The following VAV3 variants were observed in gnomAD, a reference collection of about 807,000 sequenced individuals.
The protein encoded by VAV3 is guanine nucleotide exchange factor VAV3.
Under a neutral mutation model 131.2 loss-of-function variants are expected in VAV3, and 94 were observed. The observed-to-expected ratio is 0.72, with a 90% CI of 0.61 to 0.85. VAV3 has a LOEUF of 0.85. VAV3 is among the 40% of genes least tolerant of loss of function. VAV3 has a pLI of 0.00. For missense variants in VAV3, 939 were observed against 1,002.7 expected (o/e 0.94, Z 0.86); for synonymous variants, 349 against 342.0 (o/e 1.02, Z -0.22).
chr1:107,881,973 A>G (rs1217385798), intron 1 of VAV3, among the ~76,000 whole-genome samples: 4 of 152,148 alleles, frequency 2.6e-5, no homozygotes, highest in African/African-American at 9.7e-5. Context: ...CTTTTTCTCT[A>G]TGTGTAAAAG....
chr1:107,856,396 T>C lies in VAV3; in HGVS notation c.321+18505A>G, dbSNP rs1669470095. 2.0e-5 allele frequency among the ~76,000 whole-genome samples: 3 copies of C among 152,236 alleles called. No homozygotes were observed. The South Asian group carries it at 6.2e-4, about 31-fold the overall frequency. On this transcript the variant is annotated intron_variant, in intron 2 of 26. Transcript: ENST00000370056. ...TGTAAATTTTTACATAGCAATTTTC[T>C]GATTTGAGCCAAAGTCAAACCAGAA...
At chr1:107,761,453 GC>G (rs1394011404) in intron 9 of VAV3, among the ~76,000 whole-genome samples, 6 of 151,622 alleles carry the variant, frequency 4.0e-5, no homozygotes, top group Admixed American at 3.9e-4. Flanking sequence ...CAAAATCATG[GC>G]CCCCCAGGGT....
chr1:107,921,955 T>C (rs948079925), intron 1 of VAV3, among the ~76,000 whole-genome samples: 1 of 152,220 alleles, frequency 6.6e-6, no homozygotes, highest in Admixed American at 6.5e-5. Flanking sequence ...TCTTCTCAGC[T>C]TTTTTGTGTA....
chr1:107,839,428 A>G (rs562859708), intron 2 of VAV3, among the ~76,000 whole-genome samples: 3 of 152,174 alleles, frequency 2.0e-5, no homozygotes, highest in Non-Finnish European at 4.4e-5. Flanking sequence ...CACTCAAGTA[A>G]CTTATGAGTC....
intron 10 of VAV3, among the ~76,000 whole-genome samples, chr1:107,759,663 A>C (rs1179738797): frequency 6.6e-6 from 1 of 152,166 alleles, no homozygotes; most frequent in Non-Finnish European, 1.5e-5. Flanking sequence ...AATATAAAAC[A>C]ACCCAAGGGA....
chr1:107,716,949 T>C (rs1268503906), intron 15 of VAV3, among the ~76,000 whole-genome samples: 5 of 152,216 alleles, frequency 3.3e-5, no homozygotes, highest in Admixed American at 3.3e-4. Context: ...ATTCAACATC[T>C]TCCTAGTTTA....
In VAV3 at chr1:107,755,420, T is replaced by C; in HGVS notation, c.1173+7A>G. On this transcript the variant is annotated splice_region_variant and intron_variant, in intron 12 of 26. Coordinates refer to ENST00000370056, the MANE Select transcript of VAV3 (RefSeq NM_006113.5). ...AGGGGAAGCTGGATGGAAAGATAAT[T>C]ACATACCAAATTCTCTATAGATAGC... 6.3e-7 allele frequency: 1 copy of C among 1,599,030 alleles called. No individual in the cohort carries two copies. Among genetic ancestry groups the C allele is most frequent in the Non-Finnish European group, 8.6e-7 (1 of 1,166,590 alleles).
chr1:107,681,001 T>C (rs1458071311), intron 19 of VAV3, among the ~76,000 whole-genome samples: 1 of 152,200 alleles, frequency 6.6e-6, no homozygotes, highest in Non-Finnish European at 1.5e-5. Context: ...TTAATTCATG[T>C]AGCATTTATT....
At chr1:107,613,595 T>C (rs1016290236) in intron 21 of VAV3, among the ~76,000 whole-genome samples, 1 of 152,120 alleles carries the variant, frequency 6.6e-6, no homozygotes, top group Admixed American at 6.6e-5. Flanking sequence ...TCTTAAACCA[T>C]GTTAAGTATA....
intron 21 of VAV3, among the ~76,000 whole-genome samples, chr1:107,610,652 C>T (rs541549348): frequency 4.6e-5 from 7 of 151,972 alleles, no homozygotes; most frequent in Non-Finnish European, 7.4e-5. Flanking sequence ...GAGCTTCGCA[C>T]AAGGAAAAAT....
intron 3 of VAV3, among the ~76,000 whole-genome samples, chr1:107,779,182 AAG>A (rs1394571926): frequency 2.7e-4 from 40 of 150,700 alleles, no homozygotes; most frequent in Admixed American, 7.3e-4. Context: ...AAAAAAAAAA[AAG>A]AAGAACCACA....
chr1:107,769,387 G>A (rs1188176345), intron 6 of VAV3, among the ~76,000 whole-genome samples: 1 of 152,218 alleles, frequency 6.6e-6, no homozygotes, highest in Non-Finnish European at 1.5e-5. Context: ...AACTGGGCCT[G>A]TAACGCTACA....
chr1:107,584,476 C>A (rs1650334548), intron 25 of VAV3, among the ~76,000 whole-genome samples: 1 of 152,088 alleles, frequency 6.6e-6, no homozygotes, highest in South Asian at 2.1e-4. Context: ...AGGCAACCCA[C>A]AAAATGGGAG....
intron 15 of VAV3, among the ~76,000 whole-genome samples, chr1:107,743,961 G>A (rs564719980): frequency 6.6e-6 from 1 of 152,320 alleles, no homozygotes; most frequent in East Asian, 1.9e-4. Flanking sequence ...GGAAGTAGAT[G>A]GGGAATAAAT....
intron 19 of VAV3, among the ~76,000 whole-genome samples, chr1:107,644,824 T>C (rs895465848): frequency 9.9e-5 from 15 of 151,990 alleles, no homozygotes; most frequent in Admixed American, 8.5e-4. Flanking sequence ...TGCTGCCTCA[T>C]ATGTCTTTCT....
intron 1 of VAV3, among the ~76,000 whole-genome samples, chr1:107,876,654 T>TA (rs1296439372): frequency 1.3e-5 from 2 of 152,014 alleles, no homozygotes; most frequent in African/African-American, 2.4e-5. Flanking sequence ...ACTGACTACT[T>TA]AAAAAAACAA....
intron 19 of VAV3, among the ~76,000 whole-genome samples, chr1:107,657,137 C>A (rs1489894209): frequency 6.6e-6 from 1 of 151,650 alleles, no homozygotes; most frequent in Non-Finnish European, 1.5e-5. Context: ...GTGTTTTTAG[C>A]AGAGATGGAG....
chr1:107,707,984 C>T (rs185275354), intron 15 of VAV3, among the ~76,000 whole-genome samples: 2 of 152,348 alleles, frequency 1.3e-5, no homozygotes, highest in East Asian at 3.9e-4. Context: ...TACTTTTTCA[C>T]ATTTACTTCT....
intron 2 of VAV3, among the ~76,000 whole-genome samples, chr1:107,803,001 A>C (rs1013855197): frequency 6.6e-6 from 1 of 150,826 alleles, no homozygotes; most frequent in Non-Finnish European, 1.5e-5. Flanking sequence ...ACTTTTTATT[A>C]CGGCTTCAAT....
Sources: allele counts gnomAD v4.1 joint callset (sites outside exome capture counted in the v4.1 genomes callset), GRCh38; gene constraint gnomAD v4.1.1; transcripts MANE v1.5; gene names NCBI Gene and HGNC (gene_info 2026-07-23, HGNC 2026-07-21).